The following KCNIP4 variants were observed in gnomAD, a reference collection of about 807,000 sequenced individuals.
The protein encoded by KCNIP4 is Kv channel-interacting protein 4.
KCNIP4 carries 12 observed loss-of-function variants against 34.0 expected under a neutral mutation model. The observed-to-expected ratio is 0.35, with a 90% CI of 0.23 to 0.57. The LOEUF (loss-of-function observed/expected upper bound fraction) is 0.57, where lower values mean the gene tolerates loss of function less well. KCNIP4 is among the 20% of genes least tolerant of loss of function. KCNIP4 has a pLI of 0.83. For synonymous variants in KCNIP4, 124 were observed against 102.2 expected (o/e 1.21, Z -1.29); for missense variants, 238 against 311.7 (o/e 0.76, Z 1.78).
intron 1 of KCNIP4, among the ~76,000 whole-genome samples, chr4:21,662,616 T>G (rs1016326142): frequency 6.6e-6 from 1 of 152,240 alleles, no homozygotes; most frequent in Admixed American, 6.5e-5. Context: ...TAATTTTGTT[T>G]TGTGGTCTAA....
At chr4:21,863,448 A>G (rs561598332) in intron 1 of KCNIP4, among the ~76,000 whole-genome samples, 1 of 152,240 alleles carries the variant, frequency 6.6e-6, no homozygotes, top group South Asian at 2.1e-4. Flanking sequence ...CTCAATTTGT[A>G]GGTAAGGGGA....
intron 1 of KCNIP4, among the ~76,000 whole-genome samples, chr4:21,371,227 G>A (rs1177475627): frequency 6.9e-6 from 1 of 145,838 alleles, no homozygotes; most frequent in Non-Finnish European, 1.5e-5. Context: ...ATTCCAATAA[G>A]TTTCACCAGG....
chr4:20,910,063 A>G (rs1728182389), intron 1 of KCNIP4, among the ~76,000 whole-genome samples: 1 of 152,192 alleles, frequency 6.6e-6, no homozygotes, highest in South Asian at 2.1e-4. Flanking sequence ...ACCCCAAAAT[A>G]TTCTTAATAG....
intron 1 of KCNIP4, among the ~76,000 whole-genome samples, chr4:21,586,653 A>T (rs1200740553): frequency 3.3e-5 from 5 of 152,120 alleles, no homozygotes. Flanking sequence ...AACAAGAGAA[A>T]GAGCAAACAA....
In KCNIP4 at chr4:20,729,083, T is replaced by C. The variant is rs1255321934; in HGVS notation, c.*999A>G. ...TGCTAATTTTGCTTGCTGTTTGTTCTTAGTAGACAGTGGGGTAGTCAAGGT... is the reference window on the plus strand; with the variant it reads ...TGCTAATTTTGCTTGCTGTTTGTTCCTAGTAGACAGTGGGGTAGTCAAGGT... On this transcript the variant is annotated 3_prime_UTR_variant, in exon 9 of 9. Transcript: ENST00000382152. 6.6e-6 allele frequency: 1 copy of C among 151,964 alleles called. No homozygotes were observed. The highest frequency in any genetic ancestry group is 2.4e-5 in the African/African-American group (1 of 41,368). 9.4% of individuals were successfully genotyped at this position (151,964 alleles called of 1,614,324 possible).
Position 21,589,204 on chromosome 4 carries a change from G to GA in KCNIP4, c.61+359366_61+359367insT, listed in dbSNP as rs1560540357. ...TATATATATATATATATATATATGTGTACATATATAAGTACACATGTATCT... is the reference window on the plus strand; with the variant it reads ...TATATATATATATATATATATATGTGATACATATATAAGTACACATGTATCT... On this transcript the variant is annotated intron_variant, in intron 1 of 8. Transcript: ENST00000382152. 1.9e-3 allele frequency among the ~76,000 whole-genome samples: 82 copies of GA among 43,878 alleles called. 3 individuals carry two copies. The East Asian group carries it at 0.029, about 15-fold the overall frequency. The allele number at this position is 43,878 out of a possible 152,430, so 28.8% of individuals were successfully genotyped here. A position where few individuals can be genotyped will look rare whatever the true frequency, so the allele number is the denominator to read the frequency against.
chr4:21,395,477 T>G (rs1722907677), intron 1 of KCNIP4, among the ~76,000 whole-genome samples: 1 of 152,136 alleles, frequency 6.6e-6, no homozygotes, highest in Non-Finnish European at 1.5e-5. Context: ...CCTCTAACCT[T>G]AGTCACCTAG....
intron 8 of KCNIP4, among the ~76,000 whole-genome samples, chr4:20,730,711 A>C (rs7688805): frequency 0.12 from 18,001 of 152,202 alleles, 1,335 homozygotes; most frequent in African/African-American, 0.21. Context: ...CAGAGAAAGA[A>C]TTGGGGAGCA....
At chr4:21,194,674 C>A (rs2109357744) in intron 1 of KCNIP4, among the ~76,000 whole-genome samples, 1 of 152,304 alleles carries the variant, frequency 6.6e-6, no homozygotes, top group Admixed American at 6.5e-5. Flanking sequence ...CCATCCCACA[C>A]TACCCCCATG....
intron 1 of KCNIP4, among the ~76,000 whole-genome samples, chr4:21,741,185 TG>T (rs1716376762): frequency 6.6e-6 from 1 of 152,204 alleles, no homozygotes; most frequent in Admixed American, 6.5e-5. Context: ...TCCATTTTTA[TG>T]AAGGAGGTGT....
intron 1 of KCNIP4, among the ~76,000 whole-genome samples, chr4:20,904,594 G>A (rs2149557677): frequency 6.6e-6 from 1 of 152,140 alleles, no homozygotes; most frequent in Middle Eastern, 3.4e-3. Flanking sequence ...CCAATGCACA[G>A]CATTGAAACA....
intron 1 of KCNIP4, among the ~76,000 whole-genome samples, chr4:21,262,252 A>AC (rs1158459265): frequency 2.0e-5 from 3 of 151,964 alleles, no homozygotes; most frequent in African/African-American, 7.3e-5. Flanking sequence ...ACCCCTCCAC[A>AC]CCCCATAGCA....
Position 21,178,399 on chromosome 4 carries a change from G to A in KCNIP4, c.62-295690C>T, listed in dbSNP as rs947650545. On this transcript the variant is annotated intron_variant, in intron 1 of 8. Coordinates refer to ENST00000382152, the MANE Select transcript of KCNIP4 (RefSeq NM_025221.6). ...ATTGCTTTTCAAATTTGAAGATGGCGCTTCCAGGTGTCACTTAGTGTCATC... is the reference window on the plus strand; with the variant it reads ...ATTGCTTTTCAAATTTGAAGATGGCACTTCCAGGTGTCACTTAGTGTCATC... Among the ~76,000 whole-genome samples, 6 of 152,214 alleles carry A rather than the reference G, an allele frequency of 3.9e-5. 1 individual carries two copies. Among genetic ancestry groups the A allele is most frequent in the Non-Finnish European group, 5.9e-5 (4 of 68,012 alleles).
At chr4:21,414,759 A>G (rs1724801530) in intron 1 of KCNIP4, among the ~76,000 whole-genome samples, 1 of 152,116 alleles carries the variant, frequency 6.6e-6, no homozygotes, top group Non-Finnish European at 1.5e-5. Context: ...TAAAATGGAG[A>G]TTCTATAATT....
At chr4:21,661,819 A>G (rs1293431390) in intron 1 of KCNIP4, among the ~76,000 whole-genome samples, 1 of 152,240 alleles carries the variant, frequency 6.6e-6, no homozygotes, top group Middle Eastern at 3.2e-3. Context: ...AAAATGAAAG[A>G]AAAGATAAAA....
chr4:21,301,249 T>C (rs976058567), intron 1 of KCNIP4, among the ~76,000 whole-genome samples: 1 of 152,142 alleles, frequency 6.6e-6, no homozygotes, highest in African/African-American at 2.4e-5. Flanking sequence ...AGTACATGTA[T>C]TCTACACATA....
chr4:20,947,048 C>T (rs73242591), intron 1 of KCNIP4, among the ~76,000 whole-genome samples: 16,296 of 152,168 alleles, frequency 0.11, 1,077 homozygotes, highest in African/African-American at 0.2. Context: ...ACCTGGCATA[C>T]CTTCTTTGCT....
intron 1 of KCNIP4, among the ~76,000 whole-genome samples, chr4:21,687,602 T>C (rs1312336227): frequency 6.6e-6 from 1 of 152,182 alleles, no homozygotes; most frequent in Non-Finnish European, 1.5e-5. Context: ...TTTTAGGTAG[T>C]GGTAATTTTT....
At chr4:21,901,406 A>C (rs1322817025) in intron 1 of KCNIP4, among the ~76,000 whole-genome samples, 7 of 152,240 alleles carry the variant, frequency 4.6e-5, no homozygotes, top group Non-Finnish European at 1.0e-4. Flanking sequence ...ATTTATATAC[A>C]TAAAATAAGA....
Sources: allele counts gnomAD v4.1 joint callset (sites outside exome capture counted in the v4.1 genomes callset), GRCh38; gene constraint gnomAD v4.1.1; transcripts MANE v1.5; gene names NCBI Gene and HGNC (gene_info 2026-07-23, HGNC 2026-07-21).